AKT3: variants seen among roughly 807,000 people sequenced by gnomAD.
AKT3 encodes AKT serine/threonine kinase 3.
In AKT3, 15 loss-of-function variants were observed where a neutral mutation model predicts 65.3. The observed-to-expected ratio is 0.23, with a 90% CI of 0.15 to 0.35. AKT3 has a LOEUF of 0.35. Ranked by LOEUF, AKT3 falls within the 10% of genes least tolerant of loss-of-function variation. The pLI, the probability that AKT3 is intolerant of heterozygous loss-of-function variation, is 1.00. For synonymous variants in AKT3, 206 were observed against 183.8 expected, an observed-to-expected ratio of 1.12 and a Z score of -0.98; for missense variants, 243 against 576.5, an observed-to-expected ratio of 0.42 and a Z score of 5.92.
At position 243,572,977 on chromosome 1, in the gene AKT3, G is replaced by C. The variant is rs2148507436; in HGVS notation, c.768C>G (p.Val256=). 1 of 1,612,584 alleles carries C rather than the reference G, an allele frequency of 6.2e-7. No homozygotes were observed. The highest frequency in any genetic ancestry group is 1.3e-5 in the African/African-American group (1 of 74,698). The change falls in exon 9 of 14, where the codon GTC becomes GTG. Residue 256 remains valine, a synonymous_variant. Transcript: ENST00000673466. ...CGGAATGTAGATAGTCCAAGGCAGA[G>C]ACAATTTCTGCACCATAGAAACGTG... ...DRTRFYGAEI[V]SALDYLHSGK...
chr1:243,663,152 G>C (rs897006192), intron 4 of AKT3, among the ~76,000 whole-genome samples: 8 of 152,222 alleles, frequency 5.3e-5, no homozygotes, highest in Non-Finnish European at 1.0e-4. Flanking sequence ...CATCTTTGCT[G>C]TCAAGAATCT....
At chr1:243,616,059 AT>A (rs998210926) in intron 6 of AKT3, among the ~76,000 whole-genome samples, 1 of 150,624 alleles carries the variant, frequency 6.6e-6, no homozygotes, top group Non-Finnish European at 1.5e-5. Flanking sequence ...GGTGTTACAC[AT>A]TTTTTTTTAT....
rs142795509 is a variant in AKT3, at chr1:243,796,457, G to A, written c.46+46668C>T. ...TGCTGTTACATGGAAATCAGATTAA[G>A]TCACTCCCCCACTTAAAACTTCCTA... On this transcript the variant is annotated intron_variant, in intron 2 of 13. Transcript: ENST00000673466. Among the ~76,000 whole-genome samples the A allele has an allele frequency of 3.0e-3, 451 of 152,310 alleles. 5 individuals carry two copies. The highest frequency in any genetic ancestry group is 0.01 in the African/African-American group (421 of 41,568).
rs530677701 is a variant in AKT3, at chr1:243,708,912, A to T, written c.47-13196T>A. 1.8e-4 allele frequency among the ~76,000 whole-genome samples: 27 copies of T among 152,108 alleles called. No individual in the cohort carries two copies. The South Asian group carries it at 5.6e-3, about 32-fold the overall frequency. On this transcript the variant is annotated intron_variant, in intron 2 of 13. Transcript: ENST00000673466. ...TTAATGAAATATAATGCAAATGACA[A>T]ATTGGCAATGTGGAGTTGAAGCACT... is the stretch of plus-strand genomic sequence containing the variant.
intron 2 of AKT3, among the ~76,000 whole-genome samples, chr1:243,818,856 C>T (rs1288173909): frequency 1.3e-5 from 2 of 151,784 alleles, no homozygotes; most frequent in Non-Finnish European, 1.5e-5. Flanking sequence ...AGGCAGTTGG[C>T]GCGACCTATG....
At chr1:243,697,059 C>G (rs1288555326) in intron 2 of AKT3, among the ~76,000 whole-genome samples, 1 of 151,900 alleles carries the variant, frequency 6.6e-6, no homozygotes, top group Non-Finnish European at 1.5e-5. Context: ...TCTTTATATC[C>G]TTAAATATTA....
At chr1:243,623,214 C>T (rs1414090618) in intron 6 of AKT3, among the ~76,000 whole-genome samples, 1 of 152,174 alleles carries the variant, frequency 6.6e-6, no homozygotes, top group African/African-American at 2.4e-5. Context: ...GGAATCTGAG[C>T]ATCTCAGGGC....
chr1:243,666,851 A>G (rs1198590527), intron 3 of AKT3, among the ~76,000 whole-genome samples: 1 of 152,222 alleles, frequency 6.6e-6, no homozygotes, highest in East Asian at 1.9e-4. Context: ...TAAAGTATTG[A>G]ATATTACACA....
At chr1:243,748,905 G>GTAC (rs1688636530) in intron 2 of AKT3, among the ~76,000 whole-genome samples, 1 of 152,110 alleles carries the variant, frequency 6.6e-6, no homozygotes. Flanking sequence ...CTCCATTGAA[G>GTAC]TACTACTTGG....
chr1:243,547,787 A>G (rs1414177516), intron 11 of AKT3, among the ~76,000 whole-genome samples: 1 of 152,232 alleles, frequency 6.6e-6, no homozygotes, highest in Non-Finnish European at 1.5e-5. Context: ...GAAAACAGTC[A>G]ACTGATACCT....
intron 2 of AKT3, among the ~76,000 whole-genome samples, chr1:243,726,584 C>A (rs1687227052): frequency 6.6e-6 from 1 of 152,104 alleles, no homozygotes; most frequent in African/African-American, 2.4e-5. Context: ...CTCAACTTAG[C>A]AACCAATATT....
At chr1:243,728,466 A>T (rs1444225691) in intron 2 of AKT3, among the ~76,000 whole-genome samples, 1 of 152,226 alleles carries the variant, frequency 6.6e-6, no homozygotes, top group African/African-American at 2.4e-5. Flanking sequence ...GTAAGTTTTA[A>T]TCATTCAGGA....
intron 4 of AKT3, among the ~76,000 whole-genome samples, chr1:243,655,981 C>T (rs1428522493): frequency 6.6e-6 from 1 of 151,922 alleles, no homozygotes; most frequent in Admixed American, 6.6e-5. Context: ...AAAACAAAAA[C>T]AAACAAAAGT....
At chr1:243,516,891 G>A (rs1197937992) in intron 12 of AKT3, among the ~76,000 whole-genome samples, 1 of 152,172 alleles carries the variant, frequency 6.6e-6, no homozygotes, top group Non-Finnish European at 1.5e-5. Context: ...CCCAGTCCTA[G>A]TTTCTTAAGA....
chr1:243,774,324 G>T (rs1289307401), intron 2 of AKT3, among the ~76,000 whole-genome samples: 1 of 152,068 alleles, frequency 6.6e-6, no homozygotes, highest in Non-Finnish European at 1.5e-5. Flanking sequence ...TTTTTCCTGT[G>T]TTTATACCAT....
At chr1:243,671,406 A>G (rs907652240) in intron 3 of AKT3, among the ~76,000 whole-genome samples, 1 of 152,154 alleles carries the variant, frequency 6.6e-6, no homozygotes, top group African/African-American at 2.4e-5. Context: ...TAAATCACAT[A>G]ATGAAATAAT....
At chr1:243,726,516 C>A (rs566517741) in intron 2 of AKT3, among the ~76,000 whole-genome samples, 44 of 152,144 alleles carry the variant, frequency 2.9e-4, no homozygotes, top group Non-Finnish European at 5.0e-4. Context: ...CTATAACTTA[C>A]AACAGGTAAA....
intron 2 of AKT3, among the ~76,000 whole-genome samples, chr1:243,804,907 C>T (rs73117446): frequency 6.6e-6 from 1 of 151,594 alleles, no homozygotes; most frequent in African/African-American, 2.4e-5. Flanking sequence ...TCATGCTGTA[C>T]AATAACTGCA....
intron 3 of AKT3, among the ~76,000 whole-genome samples, chr1:243,682,008 T>TG (rs1306617885): frequency 5.3e-5 from 8 of 152,066 alleles, no homozygotes; most frequent in Non-Finnish European, 2.9e-5. Flanking sequence ...CCAAATATAA[T>TG]GGGCAAACAA....
Sources: gnomAD v4.1 joint callset for allele counts (sites outside exome capture counted in the v4.1 genomes callset) on GRCh38, gnomAD v4.1.1 for gene constraint, MANE v1.5 for transcripts, NCBI Gene and HGNC (gene_info 2026-07-23, HGNC 2026-07-21) for gene names.